The following LSAMP variants were observed in gnomAD, a reference collection of about 807,000 sequenced individuals.
LSAMP encodes the protein limbic system-associated membrane protein.
Under a neutral mutation model 38.6 loss-of-function variants are expected in LSAMP, and 7 were observed. The observed-to-expected ratio is 0.18, with a 90% CI of 0.10 to 0.34. LSAMP has a LOEUF of 0.34. LSAMP is among the 10% of genes least tolerant of loss of function. The pLI is 1.00. For missense variants in LSAMP, 313 were observed against 420.0 expected, an observed-to-expected ratio of 0.75 and a Z score of 2.23; for synonymous variants, 154 against 166.8, an observed-to-expected ratio of 0.92 and a Z score of 0.59.
intron 1 of LSAMP, among the ~76,000 whole-genome samples, chr3:116,217,614 T>C (rs2046236617): frequency 6.6e-6 from 1 of 152,242 alleles, no homozygotes; most frequent in Admixed American, 6.5e-5. Flanking sequence ...TTGTAAAGTG[T>C]TCCCATGTGC....
chr3:116,421,962 C>T (rs1275328924), intron 1 of LSAMP, among the ~76,000 whole-genome samples: 2 of 152,134 alleles, frequency 1.3e-5, no homozygotes, highest in African/African-American at 2.4e-5. Flanking sequence ...TATGTTCCCT[C>T]AAAGAATTGA....
At chr3:116,017,577 T>C (rs1269598727) in intron 3 of LSAMP, among the ~76,000 whole-genome samples, 3 of 152,100 alleles carry the variant, frequency 2.0e-5, no homozygotes, top group Non-Finnish European at 4.4e-5. Context: ...CAATTTTTAA[T>C]GTGTAATTTA....
intron 1 of LSAMP, among the ~76,000 whole-genome samples, chr3:116,264,721 C>T (rs2046871107): frequency 6.6e-6 from 1 of 152,100 alleles, no homozygotes; most frequent in African/African-American, 2.4e-5. Flanking sequence ...CCCACCTTAG[C>T]CATACCAGTA....
intron 3 of LSAMP, among the ~76,000 whole-genome samples, chr3:116,010,714 A>C (rs528203580): frequency 6.6e-6 from 1 of 152,334 alleles, no homozygotes; most frequent in South Asian, 2.1e-4. Flanking sequence ...ACCTAGACAG[A>C]GAACTTTCCT....
In LSAMP at chr3:115,810,160, ACTTT is replaced by A; in HGVS notation, c.*153_*156del. On this transcript the variant is annotated 3_prime_UTR_variant, in exon 7 of 7. Coordinates refer to ENST00000490035, the MANE Select transcript of LSAMP (RefSeq NM_002338.5). ...TTTTAAATGTTGTATTTTCTTCTTC[ACTTT>A]CTTATTTCCCCCTTCATGTATAAAC... The A allele has an allele frequency of 1.0e-5, 6 of 590,104 alleles. No homozygotes were observed. The highest frequency in any genetic ancestry group is 1.8e-5 in the Non-Finnish European group (6 of 333,094). The allele number at this position is 590,104 out of a possible 1,614,324, so 36.6% of individuals were successfully genotyped here. A position where few individuals can be genotyped will look rare whatever the true frequency, so the allele number is the denominator to read the frequency against.
intron 2 of LSAMP, among the ~76,000 whole-genome samples, chr3:116,050,274 T>C (rs1465052844): frequency 6.6e-6 from 1 of 152,026 alleles, no homozygotes; most frequent in African/African-American, 2.4e-5. Flanking sequence ...AACCACTCCC[T>C]CCCATTACCC....
At chr3:115,852,194 A>G (rs1255757638) in intron 4 of LSAMP, among the ~76,000 whole-genome samples, 1 of 152,230 alleles carries the variant, frequency 6.6e-6, no homozygotes, top group Non-Finnish European at 1.5e-5. Context: ...GAAGACCAGC[A>G]TAGTGACCGC....
chr3:115,990,060 A>G (rs1321796656), intron 3 of LSAMP, among the ~76,000 whole-genome samples: 1 of 152,068 alleles, frequency 6.6e-6, no homozygotes, highest in Non-Finnish European at 1.5e-5. Flanking sequence ...TTGAGATGAC[A>G]TACAAAAGAG....
intron 3 of LSAMP, among the ~76,000 whole-genome samples, chr3:115,970,693 C>T (rs1042805382): frequency 3.9e-5 from 6 of 152,146 alleles, no homozygotes; most frequent in Middle Eastern, 3.4e-3. Context: ...GATATATGTA[C>T]AAATATCTGT....
intron 1 of LSAMP, among the ~76,000 whole-genome samples, chr3:116,182,995 T>G (rs957851551): frequency 6.6e-6 from 1 of 151,876 alleles, no homozygotes. Context: ...TACACCTGCA[T>G]AACATGTAAT....
chr3:116,434,610 G>A (rs1279208411), intron 1 of LSAMP, among the ~76,000 whole-genome samples: 6 of 152,168 alleles, frequency 3.9e-5, no homozygotes, highest in African/African-American at 1.2e-4. Flanking sequence ...CTGGAGTGCA[G>A]TGGCGCGATC....
rs71141862 is a variant in LSAMP, at chr3:116,221,150, C to CAAAA, written c.156-134598_156-134595dup. ...TGTGTGACAGAGCGAGACTCTGTCT[C>CAAAA]AAAAAAAAAAAAAAAAAAAAGGAAA... On this transcript the variant is annotated intron_variant, in intron 1 of 6. Transcript: ENST00000490035. Among the ~76,000 whole-genome samples the CAAAA allele has an allele frequency of 5.6e-3, 297 of 53,168 alleles. 38 individuals are homozygous for CAAAA. Among genetic ancestry groups the CAAAA allele is most frequent in the Non-Finnish European group, 7.9e-3 (248 of 31,302 alleles). 34.9% of individuals were successfully genotyped at this position (53,168 alleles called of 152,430 possible).
chr3:116,327,506 T>C (rs927026281), intron 1 of LSAMP, among the ~76,000 whole-genome samples: 3 of 152,168 alleles, frequency 2.0e-5, no homozygotes, highest in Non-Finnish European at 4.4e-5. Context: ...TAAGATTATA[T>C]GGCCATTTCT....
intron 3 of LSAMP, among the ~76,000 whole-genome samples, chr3:115,903,778 A>C (rs993745249): frequency 2.0e-5 from 3 of 152,172 alleles, no homozygotes; most frequent in African/African-American, 4.8e-5. Context: ...TAGGCAATAC[A>C]ATATATTTTA....
chr3:116,022,351 A>G (rs188645850), intron 2 of LSAMP, among the ~76,000 whole-genome samples: 3 of 151,472 alleles, frequency 2.0e-5, no homozygotes, highest in Non-Finnish European at 4.4e-5. Context: ...TCTCTTTCCA[A>G]ATCTCTTGCG....
chr3:116,353,123 G>A (rs951095289), intron 1 of LSAMP, among the ~76,000 whole-genome samples: 1 of 151,954 alleles, frequency 6.6e-6, no homozygotes, highest in African/African-American at 2.4e-5. Context: ...TAATCAGGGT[G>A]GTATGCTTAA....
intron 1 of LSAMP, among the ~76,000 whole-genome samples, chr3:116,253,563 A>C (rs1440628736): frequency 6.6e-6 from 1 of 152,242 alleles, no homozygotes; most frequent in Admixed American, 6.5e-5. Context: ...AATGTTAAGC[A>C]TAATAAACCT....
intron 3 of LSAMP, among the ~76,000 whole-genome samples, chr3:115,911,484 T>G (rs1937134177): frequency 6.6e-6 from 1 of 152,142 alleles, no homozygotes; most frequent in African/African-American, 2.4e-5. Context: ...CCTGAGTAGC[T>G]GGGACTACAG....
At chr3:116,188,795 C>G (rs1710684929) in intron 1 of LSAMP, among the ~76,000 whole-genome samples, 1 of 152,170 alleles carries the variant, frequency 6.6e-6, no homozygotes, top group South Asian at 2.1e-4. Flanking sequence ...CTCTAAGAGG[C>G]TCCCAGTCTA....
Sources: gnomAD v4.1 joint callset for allele counts (sites outside exome capture counted in the v4.1 genomes callset) on GRCh38, gnomAD v4.1.1 for gene constraint, MANE v1.5 for transcripts, NCBI Gene and HGNC (gene_info 2026-07-23, HGNC 2026-07-21) for gene names.